FGF14: variants seen among roughly 807,000 people sequenced by gnomAD.
The protein encoded by FGF14 is fibroblast growth factor homologous factor 4.
In FGF14, 5 loss-of-function variants were observed where a neutral mutation model predicts 25.5. The observed-to-expected ratio is 0.20, with a 90% confidence interval of 0.10 to 0.41. FGF14 has a LOEUF of 0.41. Among genes scored for constraint, FGF14 ranks in the 10% least tolerant of loss-of-function variants. FGF14 has a pLI of 1.00. For missense variants in FGF14, 222 were observed against 320.1 expected, an observed-to-expected ratio of 0.69 and a Z score of 2.34; for synonymous variants, 138 against 118.3, an observed-to-expected ratio of 1.17 and a Z score of -1.08.
chr13:102,265,034 C>T (rs747244846), intron 1 of FGF14, among the ~76,000 whole-genome samples: 5 of 152,114 alleles, frequency 3.3e-5, no homozygotes, highest in African/African-American at 1.2e-4. Context: ...ATTAAAAATA[C>T]TTCTAATACT....
intron 1 of FGF14, among the ~76,000 whole-genome samples, chr13:101,903,238 GGTGTGTGTGT>G (rs3065974): frequency 3.7e-4 from 56 of 149,586 alleles, no homozygotes; most frequent in South Asian, 2.5e-3. Flanking sequence ...CTCTAATTGT[GGTGTGTGTGT>G]GTGTGTGTGT....
intron 3 of FGF14, among the ~76,000 whole-genome samples, chr13:101,845,845 A>G (rs1387452948): frequency 6.6e-6 from 1 of 152,012 alleles, no homozygotes; most frequent in East Asian, 1.9e-4. Flanking sequence ...TTTGAATTCC[A>G]GAGAAAAGAG....
In FGF14 at chr13:102,134,258, C is replaced by T. The variant is rs183892099; in HGVS notation, c.209-258962G>A. 5.6e-3 allele frequency among the ~76,000 whole-genome samples: 854 copies of T among 152,180 alleles called. 4 individuals are homozygous for T. Among genetic ancestry groups the T allele is most frequent in the Non-Finnish European group, 9.5e-3 (648 of 68,016 alleles). On this transcript the variant is annotated intron_variant, in intron 1 of 4. Coordinates refer to the FGF14 transcript ENST00000376131. ...GTCAGGCTCTAGGTTATTTCAGTCC[C>T]GTCTTTCATGGCTCCTTATTCTTCC... is the stretch of plus-strand genomic sequence containing the variant.
At chr13:101,798,592 T>C (rs77062711) in intron 3 of FGF14, among the ~76,000 whole-genome samples, 2,606 of 152,180 alleles carry the variant, frequency 0.017, 62 homozygotes, top group African/African-American at 0.06. Context: ...TTGGGGGGCA[T>C]GTGGTCAACA....
chr13:102,213,771 G>A (rs1013861550), intron 1 of FGF14, among the ~76,000 whole-genome samples: 6 of 152,234 alleles, frequency 3.9e-5, no homozygotes, highest in Middle Eastern at 3.4e-3. Flanking sequence ...AGCCAAGTGA[G>A]AAAACACTAT....
chr13:101,803,075 G>C (rs2040980905), intron 3 of FGF14, among the ~76,000 whole-genome samples: 1 of 151,738 alleles, frequency 6.6e-6, no homozygotes, highest in Admixed American at 6.6e-5. Context: ...AAGGGGGTCA[G>C]CTGGCGTGAA....
chr13:102,239,263 T>C (rs994919763), intron 1 of FGF14, among the ~76,000 whole-genome samples: 1 of 152,200 alleles, frequency 6.6e-6, no homozygotes, highest in Admixed American at 6.5e-5. Flanking sequence ...GGGTTTATAT[T>C]GCTTGTTTGT....
At chr13:102,304,034 T>A (rs1052793092) in intron 1 of FGF14, among the ~76,000 whole-genome samples, 2 of 152,192 alleles carry the variant, frequency 1.3e-5, no homozygotes, top group Non-Finnish European at 2.9e-5. Flanking sequence ...GGTTGGTGTT[T>A]ATTGATGCAA....
chr13:102,053,846 A>G (rs61966530), intron 1 of FGF14, among the ~76,000 whole-genome samples: 7,863 of 152,146 alleles, frequency 0.052, 228 homozygotes, highest in Middle Eastern at 0.071. Flanking sequence ...TACTTCATTT[A>G]TGTTCTGTTT....
intron 1 of FGF14, among the ~76,000 whole-genome samples, chr13:102,369,015 A>G (rs2057797300): frequency 6.6e-6 from 1 of 152,226 alleles, no homozygotes; most frequent in African/African-American, 2.4e-5. Context: ...CATCATGAGT[A>G]TATTATAACC....
At chr13:101,910,798 C>T (rs1316148124) in intron 1 of FGF14, among the ~76,000 whole-genome samples, 1 of 147,918 alleles carries the variant, frequency 6.8e-6, no homozygotes, top group Non-Finnish European at 1.5e-5. Flanking sequence ...CTTTAAATTG[C>T]ATTGACGTCT....
rs564785466 is a variant in FGF14, at chr13:101,905,131, G to A, written c.193+11322C>T. 5.9e-5 allele frequency among the ~76,000 whole-genome samples: 9 copies of A among 152,282 alleles called. No individual in the cohort carries two copies. The South Asian group carries it at 1.7e-3, about 28-fold the overall frequency. On this transcript the variant is annotated intron_variant, in intron 1 of 4. Coordinates refer to ENST00000376143, the MANE Select transcript of FGF14 (RefSeq NM_004115.4). ...CATTGAACAGAAAGGAGTGGAGGCAGATCTGGAGAAGGCTCTTTTCTGCAG... is the reference window on the plus strand; with the variant it reads ...CATTGAACAGAAAGGAGTGGAGGCAAATCTGGAGAAGGCTCTTTTCTGCAG...
At chr13:101,986,258 A>G (rs186024257) in intron 1 of FGF14, among the ~76,000 whole-genome samples, 177 of 152,188 alleles carry the variant, frequency 1.2e-3, no homozygotes, top group Non-Finnish European at 1.9e-3. Flanking sequence ...AAGTTTTTCA[A>G]TTTGGGTTTC....
chr13:101,815,409 T>C (rs2041791330), intron 3 of FGF14, among the ~76,000 whole-genome samples: 1 of 152,144 alleles, frequency 6.6e-6, no homozygotes, highest in Non-Finnish European at 1.5e-5. Context: ...AAAGGGCTAA[T>C]CACAGAGACC....
intron 1 of FGF14, among the ~76,000 whole-genome samples, chr13:102,129,371 A>C (rs931208126): frequency 2.0e-5 from 3 of 152,208 alleles, no homozygotes; most frequent in African/African-American, 7.2e-5. Flanking sequence ...TTCATTAATA[A>C]ATTTGATGTG....
Position 102,160,621 on chromosome 13 carries a change from C to A in FGF14, c.208+240850G>T, listed in dbSNP as rs187897161. On this transcript the variant is annotated intron_variant, in intron 1 of 4. Transcript: ENST00000376131. Reference sequence around the variant, plus strand: ...CAATAGCTTCTCTTGGAACACCACTCAGTCGGCTTTGGGAAGATAAAAACA... The same window carrying A: ...CAATAGCTTCTCTTGGAACACCACTAAGTCGGCTTTGGGAAGATAAAAACA... Among the ~76,000 whole-genome samples, 7 of 152,146 alleles carry A rather than the reference C, an allele frequency of 4.6e-5. No homozygotes were observed. In the East Asian group the frequency reaches 1.4e-3, roughly 29 times the overall value.
chr13:102,226,702 C>T (rs1350717159), intron 1 of FGF14, among the ~76,000 whole-genome samples: 6 of 152,108 alleles, frequency 3.9e-5, no homozygotes, highest in Non-Finnish European at 7.3e-5. Flanking sequence ...CTTTAGGGAA[C>T]ATCATCTACT....
At chr13:102,093,855 C>T (rs2044276985) in intron 1 of FGF14, among the ~76,000 whole-genome samples, 1 of 150,124 alleles carries the variant, frequency 6.7e-6, no homozygotes, top group South Asian at 2.1e-4. Flanking sequence ...GGAGATAAGA[C>T]TCATGAAGCC....
At chr13:102,392,750 T>A (rs1399238929) in intron 1 of FGF14, among the ~76,000 whole-genome samples, 3 of 152,176 alleles carry the variant, frequency 2.0e-5, no homozygotes, top group African/African-American at 7.2e-5. Flanking sequence ...AACTGGCCAC[T>A]AAGATGGATG....
Sources: allele counts gnomAD v4.1 joint callset (sites outside exome capture counted in the v4.1 genomes callset), GRCh38; gene constraint gnomAD v4.1.1; transcripts MANE v1.5; gene names NCBI Gene and HGNC (gene_info 2026-07-23, HGNC 2026-07-21).